The following CHTF18 variants were observed in gnomAD, a reference collection of about 807,000 sequenced individuals.
CHTF18 encodes chromosome transmission fidelity factor 18, also known as chromosome transmission fidelity protein 18 homolog.
Under a neutral mutation model 113.4 loss-of-function variants are expected in CHTF18, and 151 were observed. That is an observed-to-expected ratio of 1.33 (90% CI 1.17 to 1.52). CHTF18 has a LOEUF of 1.52. Among genes scored for constraint, CHTF18 ranks in the 40% most tolerant of loss-of-function variants. The pLI is 0.00. For synonymous variants in CHTF18, 916 were observed against 598.8 expected (o/e 1.53, Z -7.74); for missense variants, 1,982 against 1,381.6 (o/e 1.43, Z -6.89).
rs1291720985 is a variant in CHTF18 at position 793,920 on chromosome 16, A to G, written c.1803-134A>G. The G allele has an allele frequency of 1.5e-5, 15 of 994,126 alleles. No individual in the cohort carries two copies. In the Admixed American group the frequency reaches 3.3e-4, roughly 22 times the overall value. The allele number at this position is 994,126 out of a possible 1,614,324, so 61.6% of individuals were successfully genotyped here. On this transcript the variant is annotated intron_variant, in intron 14 of 21. Coordinates refer to ENST00000262315, the MANE Select transcript of CHTF18 (RefSeq NM_022092.3). ...GTCTTTGGCTGTCTCCACCTGAGCG[A>G]GGCAGCAAGGGCCCTGCTGAGAAGA... is the stretch of plus-strand genomic sequence containing the variant.
At position 790,200 on chromosome 16, in the gene CHTF18, G is replaced by A; in HGVS notation, c.630G>A (p.Trp210Ter). The change falls in exon 5 of 22, where the codon TGG (tryptophan) becomes TGA (stop). Residue 210 changes from tryptophan (W) to a stop codon, truncating the protein, a stop_gained. Coordinates refer to ENST00000262315, the MANE Select transcript of CHTF18 (RefSeq NM_022092.3). LOFTEE classifies it high-confidence loss of function. ...GVQGSLLHVPWRGGGQLDLLG... is the reference protein window; with the variant it reads ...GVQGSLLHVP Reference sequence around the variant, plus strand: ...AGGGCTCTCTCCTCCACGTCCCATGGCGAGGCGGTGGCCAGCTGGACCTGC... The same window carrying A: ...AGGGCTCTCTCCTCCACGTCCCATGACGAGGCGGTGGCCAGCTGGACCTGC... The A allele has an allele frequency of 1.2e-6, 2 of 1,603,334 alleles. No homozygotes were observed. The highest frequency in any genetic ancestry group is 1.7e-6 in the Non-Finnish European group (2 of 1,175,924).
intron 14 of CHTF18, chr16:793,517 T>G: frequency 1.7e-6 from 1 of 604,726 alleles, no homozygotes; most frequent in African/African-American, 1.9e-5. Context: ...CCCAGTGTGG[T>G]GGGGCCTCCA....
Position 794,051 on chromosome 16 carries a change from C to T in CHTF18, c.1803-3C>T, listed in dbSNP as rs780030649. The T allele has an allele frequency of 2.5e-6, 4 of 1,607,618 alleles. No individual in the cohort carries two copies. The highest frequency in any genetic ancestry group is 3.4e-6 in the Non-Finnish European group (4 of 1,177,084). On this transcript the variant is annotated splice_polypyrimidine_tract_variant and splice_region_variant and intron_variant, in intron 14 of 21. Transcript: ENST00000262315. ...CCATCTAGCTTCAGCACCCCACCTG[C>T]AGGCGCCGTGTGGGCCAGGACCCCG...
chr16:788,993 T>G lies in CHTF18; in HGVS notation c.154T>G (p.Phe52Val). 7 of 1,561,996 alleles carry G rather than the reference T, an allele frequency of 4.5e-6. No homozygotes were observed. Among genetic ancestry groups the G allele is most frequent in the Non-Finnish European group, 5.2e-6 (6 of 1,159,908 alleles). Residue 52 changes from phenylalanine to valine, a missense_variant, in exon 2 of 22, where the codon TTC becomes GTC. Phe to Val is a conservative substitution (Grantham distance 50). Coordinates refer to ENST00000262315, the MANE Select transcript of CHTF18 (RefSeq NM_022092.3). ...CACCGCGGGCCGACCCCCGCGGACGTTCGAGGAGGCCCTTGCCAGAGGGGA... is the reference window on the plus strand; with the variant it reads ...CACCGCGGGCCGACCCCCGCGGACGGTCGAGGAGGCCCTTGCCAGAGGGGA... The part of the protein sequence containing the change: ...LFTAGRPPRT[F>V]EEALARGDAA...
chr16:796,721 G>A lies in CHTF18; in HGVS notation c.2461G>A (p.Val821Met), dbSNP rs562807387. The A allele has an allele frequency of 1.8e-5, 28 of 1,599,926 alleles. No individual in the cohort carries two copies. The African/African-American group carries it at 2.0e-4, about 11-fold the overall frequency. The change falls in exon 19 of 22, where the codon GTG becomes ATG. Residue 821 changes from valine to methionine, a missense_variant. Physicochemically the swap from Val to Met is conservative, Grantham distance 21 (BLOSUM62 1). Transcript: ENST00000262315. ...GQYIYRLEPNVEELCRFPELP... is the reference protein window; with the variant it reads ...GQYIYRLEPNMEELCRFPELP... ...GTGTCCCCCTGTGCTGAGCAGGAACGTGGAGGAACTCTGCCGCTTCCCTGA... is the reference window on the plus strand; with the variant it reads ...GTGTCCCCCTGTGCTGAGCAGGAACATGGAGGAACTCTGCCGCTTCCCTGA...
intron 4 of CHTF18, chr16:789,939 C>G: frequency 1.3e-6 from 2 of 1,502,654 alleles, no homozygotes; most frequent in South Asian, 2.5e-5. Flanking sequence ...AGAGGGCCTC[C>G]TTGCTTCCCC....
intron 9 of CHTF18, 108 bp downstream of exon 9, chr16:792,056 G>C: frequency 6.5e-7 from 1 of 1,540,466 alleles, no homozygotes; most frequent in Non-Finnish European, 8.7e-7. Flanking sequence ...AGGGTGGTGG[G>C]GGCCTGGGTG....
At chr16:794,697 G>A (rs987361130) in intron 15 of CHTF18, 15 of 236,484 alleles carry the variant, frequency 6.3e-5, no homozygotes, top group Admixed American at 1.5e-4. Context: ...GATGTGGAGG[G>A]GCAGCGTGGA....
chr16:793,733 G>A (rs768345033), intron 14 of CHTF18: 51 of 655,006 alleles, frequency 7.8e-5, no homozygotes, highest in South Asian at 7.7e-4. Context: ...TGCAGGATAT[G>A]GGAGACGCTG....
At chr16:791,764 G>A (rs1227949423) in intron 8 of CHTF18, 87 bp from the exon 9 acceptor site, 2 of 1,504,484 alleles carry the variant, frequency 1.3e-6, no homozygotes, top group Admixed American at 2.2e-5. Context: ...CCCAGCCTGT[G>A]GGACACATGT....
At chr16:792,695 C>A in intron 11 of CHTF18, 23 bp from the exon 12 acceptor site, 1 of 1,573,984 alleles carries the variant, frequency 6.4e-7, no homozygotes, top group East Asian at 2.3e-5. Context: ...CCTGGGGTCC[C>A]TGGCCCTGCC....
chr16:791,588 C>G (rs1207091071), intron 8 of CHTF18: 32 of 1,431,968 alleles, frequency 2.2e-5, no homozygotes, highest in Non-Finnish European at 2.9e-5. Context: ...CCAGGATGAT[C>G]TGGGTGGACG....
chr16:790,644 A>G lies in CHTF18; in HGVS notation c.872A>G (p.Tyr291Cys), dbSNP rs556069285. Residue 291 changes from tyrosine to cysteine, a missense_variant, in exon 7 of 22, where the codon TAC (tyrosine) becomes TGC (cysteine). Physicochemically the swap from Tyr to Cys is radical, Grantham distance 194. Transcript: ENST00000262315. The part of the protein sequence containing the change: ...LWVDEFAPRH[Y>C]TELLSDDFTN... ...GTGGATGAGTTTGCACCCCGCCACT[A>G]CACGGAGCTGCTCAGTGATGACGTG... 2.2e-5 allele frequency: 35 copies of G among 1,592,322 alleles called. No homozygotes were observed. The highest frequency in any genetic ancestry group is 2.9e-5 in the Non-Finnish European group (34 of 1,173,042).
chr16:796,931 G>C, intron 19 of CHTF18, 30 bp from the exon 20 acceptor site: 2 of 1,532,698 alleles, frequency 1.3e-6, no homozygotes, highest in Non-Finnish European at 1.8e-6. Context: ...TCCCTGTGTG[G>C]CCAGATCTCA....
In CHTF18 at chr16:788,741, C is replaced by G. The variant is rs1192876020; in HGVS notation, c.57C>G (p.Phe19Leu). 6.2e-7 allele frequency: 1 copy of G among 1,602,296 alleles called. No individual in the cohort carries two copies. Among genetic ancestry groups the G allele is most frequent in the Non-Finnish European group, 8.5e-7 (1 of 1,175,574 alleles). ...CGVEDDFHNQ[F>L]AAELEVLAEL... The stretch of plus-strand genomic sequence containing the variant: ...TCGAGGATGATTTCCACAACCAGTT[C>G]GCGGCCGAGCTGGAGGTGCTGGCAG... Residue 19 changes from phenylalanine (F) to leucine (L), a missense_variant, in exon 1 of 22, where the codon TTC becomes TTG. Transcript: ENST00000262315.
At chr16:793,815 C>T (rs966143879) in intron 14 of CHTF18, 11 of 651,214 alleles carry the variant, frequency 1.7e-5, no homozygotes, top group African/African-American at 1.1e-4. Flanking sequence ...CCCCTAACCC[C>T]AGAGGGTCAG....
rs2042406811 is a variant in CHTF18, at chr16:798,060, C to A, written c.*85C>A. 2.0e-6 allele frequency: 3 copies of A among 1,502,578 alleles called. No individual in the cohort carries two copies. The highest frequency in any genetic ancestry group is 1.9e-5 in the Admixed American group (1 of 52,848). The allele number at this position is 1,502,578 out of a possible 1,614,324, so 93.1% of individuals were successfully genotyped here. A position where few individuals can be genotyped will look rare whatever the true frequency, so the allele number is the denominator to read the frequency against. On this transcript the variant is annotated 3_prime_UTR_variant, in exon 22 of 22. Coordinates refer to ENST00000262315, the MANE Select transcript of CHTF18 (RefSeq NM_022092.3). ...TGGAGATGTCTTTATAAAGTCACACCTTTACAGACTGTAATCACGTGCGAG... is the reference window on the plus strand; with the variant it reads ...TGGAGATGTCTTTATAAAGTCACACATTTACAGACTGTAATCACGTGCGAG...
At position 790,239 on chromosome 16, in the gene CHTF18, A is replaced by T. The variant is rs2151641720; in HGVS notation, c.669A>T (p.Leu223Phe). 6.2e-7 allele frequency: 1 copy of T among 1,606,756 alleles called. No homozygotes were observed. The highest frequency in any genetic ancestry group is 8.5e-7 in the Non-Finnish European group (1 of 1,177,532). The change falls in exon 5 of 22, where the codon TTA becomes TTT. Residue 223 changes from leucine (L) to phenylalanine (F), a missense_variant. Coordinates refer to ENST00000262315, the MANE Select transcript of CHTF18 (RefSeq NM_022092.3). Reference sequence around the variant, plus strand: ...AGCTGGACCTGCTGGGTGTGTCCTTAGCCTCCCTGAAGAAGCAGGTCGACG... The same window carrying T: ...AGCTGGACCTGCTGGGTGTGTCCTTTGCCTCCCTGAAGAAGCAGGTCGACG... Reference protein sequence around the residue: ...GGQLDLLGVSLASLKKQVDGE... With the variant: ...GGQLDLLGVSFASLKKQVDGE...
At chr16:795,917 G>T (rs773729680) in intron 17 of CHTF18, 30 bp from the exon 18 acceptor site, 11 of 1,602,120 alleles carry the variant, frequency 6.9e-6, no homozygotes, top group Middle Eastern at 1.7e-4. Context: ...AGCCTGCTCA[G>T]CTCCCTGTCT....
Sources: gnomAD v4.1 joint callset for allele counts on GRCh38, gnomAD v4.1.1 for gene constraint, MANE v1.5 for transcripts, NCBI Gene and HGNC (gene_info 2026-07-23, HGNC 2026-07-21) for gene names.